Variants in EPHB1 observed in about 807,000 individuals in gnomAD.
The protein encoded by EPHB1 is EPH receptor B1, also known as ephrin type-B receptor 1.
In EPHB1, 30 loss-of-function variants were observed where a neutral mutation model predicts 94.4. The observed-to-expected ratio is 0.32, with a 90% CI of 0.24 to 0.43. EPHB1 has a LOEUF of 0.43. EPHB1 is among the 20% of genes least tolerant of loss of function. EPHB1 has a pLI of 1.00. For synonymous variants in EPHB1, 522 were observed against 489.1 expected, an observed-to-expected ratio of 1.07 and a Z score of -0.89; for missense variants, 1,055 against 1,308.3, an observed-to-expected ratio of 0.81 and a Z score of 2.99.
At chr3:134,796,564 G>T (rs886923401) in intron 1 of EPHB1, among the ~76,000 whole-genome samples, 3 of 152,226 alleles carry the variant, frequency 2.0e-5, no homozygotes, top group Non-Finnish European at 2.9e-5. Context: ...CCGGCGCAGC[G>T]GGGAGCCTGG....
At chr3:135,198,951 T>C (rs1942692097) in intron 11 of EPHB1, among the ~76,000 whole-genome samples, 6 of 152,214 alleles carry the variant, frequency 3.9e-5, no homozygotes, top group Admixed American at 3.9e-4. Context: ...AGCCTGGACC[T>C]TTCCTCATTT....
At chr3:135,194,784 C>A (rs1227230413) in intron 11 of EPHB1, among the ~76,000 whole-genome samples, 1 of 152,156 alleles carries the variant, frequency 6.6e-6, no homozygotes, top group Non-Finnish European at 1.5e-5. Context: ...CTAGGACAGC[C>A]TCCTTGAGGG....
intron 5 of EPHB1, among the ~76,000 whole-genome samples, chr3:135,138,061 G>A (rs1258130375): frequency 1.3e-5 from 2 of 152,178 alleles, no homozygotes; most frequent in Non-Finnish European, 2.9e-5. Flanking sequence ...TCCTCATTGT[G>A]TATTTGAAGA....
At chr3:135,108,501 C>T (rs1390333290) in intron 4 of EPHB1, among the ~76,000 whole-genome samples, 1 of 152,162 alleles carries the variant, frequency 6.6e-6, no homozygotes. Context: ...ACCCCTCCAC[C>T]CTTGACCTCT....
intron 12 of EPHB1, among the ~76,000 whole-genome samples, chr3:135,237,466 C>G (rs1943683858): frequency 6.6e-6 from 1 of 152,124 alleles, no homozygotes; most frequent in African/African-American, 2.4e-5. Flanking sequence ...GAAGGGAACT[C>G]AGACCCCTAA....
intron 10 of EPHB1, among the ~76,000 whole-genome samples, chr3:135,180,291 T>C (rs995218574): frequency 6.6e-6 from 1 of 152,218 alleles, no homozygotes; most frequent in African/African-American, 2.4e-5. Context: ...AGGTACTTAG[T>C]TGAGAAGGCT....
At chr3:134,965,440 C>T (rs751476474) in intron 3 of EPHB1, among the ~76,000 whole-genome samples, 3 of 152,126 alleles carry the variant, frequency 2.0e-5, no homozygotes, top group Non-Finnish European at 2.9e-5. Context: ...TGGCTCATGC[C>T]TGTAGTCCCA....
chr3:135,098,756 A>G (rs1938906485), intron 3 of EPHB1, among the ~76,000 whole-genome samples: 3 of 152,166 alleles, frequency 2.0e-5, no homozygotes, highest in Admixed American at 6.5e-5. Context: ...TTACTCCAGT[A>G]ATCCCAACAC....
chr3:135,083,937 G>A lies in EPHB1; in HGVS notation c.806-22511G>A, dbSNP rs532624014. On this transcript the variant is annotated intron_variant, in intron 3 of 15. Transcript: ENST00000398015. ...GGGCCCCCTCCCTTCCCAGGAGCAG[G>A]TGATGATGACAGTTCAGTAGGTGTG... Among the ~76,000 whole-genome samples, 40 of 152,238 alleles carry A rather than the reference G, an allele frequency of 2.6e-4. No individual in the cohort carries two copies. In the South Asian group the frequency reaches 6.0e-3, roughly 23 times the overall value.
At chr3:135,128,117 C>A (rs763484091) in intron 4 of EPHB1, among the ~76,000 whole-genome samples, 1 of 152,206 alleles carries the variant, frequency 6.6e-6, no homozygotes, top group East Asian at 1.9e-4. Context: ...GGAGCTTAGA[C>A]GGGGAGACCA....
At chr3:135,064,396 G>C (rs1303592174) in intron 3 of EPHB1, among the ~76,000 whole-genome samples, 2 of 151,962 alleles carry the variant, frequency 1.3e-5, no homozygotes, top group African/African-American at 4.8e-5. Flanking sequence ...GGCCTGTTTA[G>C]GGTATCTAAT....
chr3:135,135,685 C>T (rs17766045), intron 5 of EPHB1, among the ~76,000 whole-genome samples: 2 of 152,014 alleles, frequency 1.3e-5, no homozygotes, highest in African/African-American at 4.8e-5. Flanking sequence ...TGGTATGACC[C>T]CTCTCTGTGC....
chr3:135,251,279 CTCA>C (rs1319917215), intron 15 of EPHB1, among the ~76,000 whole-genome samples: 1 of 152,162 alleles, frequency 6.6e-6, no homozygotes, highest in East Asian at 1.9e-4. Context: ...AACCAGCTTC[CTCA>C]TCTTTTAGAG....
At chr3:135,243,074 CAAAAAAAAAAA>C (rs397933477) in intron 13 of EPHB1, among the ~76,000 whole-genome samples, 9 of 98,370 alleles carry the variant, frequency 9.1e-5, no homozygotes, top group African/African-American at 3.7e-4. Context: ...GACCCTGTCT[CAAAAAAAAAAA>C]AAAAAAAAAG....
chr3:134,850,249 A>G (rs2036953572), intron 1 of EPHB1, among the ~76,000 whole-genome samples: 1 of 152,174 alleles, frequency 6.6e-6, no homozygotes, highest in Non-Finnish European at 1.5e-5. Flanking sequence ...AATAGCTGTC[A>G]TTTAAAACAG....
At position 134,996,190 on chromosome 3, in the gene EPHB1, C is replaced by A. The variant is rs185525890; in HGVS notation, c.805+44138C>A. On this transcript the variant is annotated intron_variant, in intron 3 of 15. Coordinates refer to ENST00000398015, the MANE Select transcript of EPHB1 (RefSeq NM_004441.5). ...TTTTGGTAACTTAATGAATAATATT[C>A]TTTTATTTATTTATTTATTTGAAAA... 4.2e-3 allele frequency among the ~76,000 whole-genome samples: 636 copies of A among 152,094 alleles called. 6 individuals carry two copies. Among genetic ancestry groups the A allele is most frequent in the African/African-American group, 0.014 (590 of 41,494 alleles).
At chr3:135,106,167 T>A (rs1282726510) in intron 3 of EPHB1, among the ~76,000 whole-genome samples, 1 of 152,214 alleles carries the variant, frequency 6.6e-6, no homozygotes, top group South Asian at 2.1e-4. Context: ...TTTAGATTTG[T>A]TTTCTCAATT....
chr3:134,804,556 TG>T (rs1368312904), intron 1 of EPHB1, among the ~76,000 whole-genome samples: 1 of 151,902 alleles, frequency 6.6e-6, no homozygotes, highest in African/African-American at 2.4e-5. Flanking sequence ...GGTGGGTGTG[TG>T]TGGGGGGGAG....
intron 1 of EPHB1, among the ~76,000 whole-genome samples, chr3:134,924,246 G>A (rs956017572): frequency 2.6e-5 from 4 of 152,032 alleles, no homozygotes; most frequent in Non-Finnish European, 4.4e-5. Flanking sequence ...TAATAAATTG[G>A]ACTTCATCAA....
Sources: gnomAD v4.1 joint callset for allele counts (sites outside exome capture counted in the v4.1 genomes callset) on GRCh38, gnomAD v4.1.1 for gene constraint, MANE v1.5 for transcripts, NCBI Gene and HGNC (gene_info 2026-07-23, HGNC 2026-07-21) for gene names.